Variants in CUL2 observed in about 807,000 individuals in gnomAD.
CUL2 encodes cullin 2.
A neutral mutation model predicts 110.2 loss-of-function variants in CUL2; 22 were observed. The ratio of observed to expected loss-of-function variants is 0.20; its 90% CI spans 0.14 to 0.28. CUL2 has a LOEUF of 0.28. Ranked by LOEUF, CUL2 falls within the 10% of genes least tolerant of loss-of-function variation. The probability of loss-of-function intolerance (pLI) is 1.00; values close to 1 mark genes in which losing one functional copy is unlikely to be tolerated. For synonymous variants in CUL2, 279 were observed against 293.2 expected, an observed-to-expected ratio of 0.95 and a Z score of 0.49; for missense variants, 631 against 905.5, an observed-to-expected ratio of 0.70 and a Z score of 3.89.
At chr10:35,030,788 G>A (rs1367219773) in intron 14 of CUL2, among the ~76,000 whole-genome samples, 1 of 151,180 alleles carries the variant, frequency 6.6e-6, no homozygotes, top group African/African-American at 2.4e-5. Context: ...AGCTGCTCAG[G>A]AGGCTGAGGC....
At chr10:35,104,409 G>A (rs1418988750) in intron 1 of CUL2, among the ~76,000 whole-genome samples, 1 of 152,148 alleles carries the variant, frequency 6.6e-6, no homozygotes, top group East Asian at 1.9e-4. Flanking sequence ...TCTCGCCATT[G>A]CACTGTAGCC....
chr10:35,123,334 T>C (rs2087699975), intron 1 of CUL2, among the ~76,000 whole-genome samples: 1 of 152,206 alleles, frequency 6.6e-6, no homozygotes, highest in Admixed American at 6.5e-5. Context: ...ACAGTCTCCT[T>C]TCACTTCTGT....
At chr10:35,097,033 C>G (rs935281659) in intron 2 of CUL2, among the ~76,000 whole-genome samples, 1 of 152,214 alleles carries the variant, frequency 6.6e-6, no homozygotes, top group Non-Finnish European at 1.5e-5. Flanking sequence ...TGGTCTCGAA[C>G]TCCTGTCTCC....
intron 1 of CUL2, among the ~76,000 whole-genome samples, chr10:35,104,743 G>T (rs533325517): frequency 8.7e-5 from 13 of 148,842 alleles, no homozygotes; most frequent in South Asian, 2.1e-4. Flanking sequence ...AGACTTTTCT[G>T]GGGGGGGGAC....
At chr10:35,036,637 T>C (rs1044008710) in intron 9 of CUL2, among the ~76,000 whole-genome samples, 1 of 152,244 alleles carries the variant, frequency 6.6e-6, no homozygotes, top group Admixed American at 6.5e-5. Context: ...GTATCTTCTA[T>C]TCTGCAGTGC....
chr10:35,056,526 T>C (rs917270762), intron 4 of CUL2, among the ~76,000 whole-genome samples: 18 of 152,206 alleles, frequency 1.2e-4, no homozygotes, highest in African/African-American at 4.1e-4. Flanking sequence ...GTGGCAGGGC[T>C]GGCACAGAAA....
Position 35,016,224 on chromosome 10 carries a change from C to A in CUL2, c.1855G>T (p.Asp619Tyr). ...GAATCATGGTTAATCATTTTCACAT[C>A]AAGTAATGATTTGATTGTTTTTGTC... ...ELTKTIKSLL[D>Y]VKMINHDSEK... The change falls in exon 18 of 21, where the codon GAT becomes TAT. Residue 619 changes from aspartate (D) to tyrosine (Y), a missense_variant. By Grantham distance (160) the Asp-to-Tyr change is radical. Transcript: ENST00000374749. 1 of 1,613,740 alleles carries A rather than the reference C, an allele frequency of 6.2e-7. No homozygotes were observed. The highest frequency in any genetic ancestry group is 8.5e-7 in the Non-Finnish European group (1 of 1,179,748).
At chr10:35,010,803 G>A (rs1398437522) in intron 20 of CUL2, among the ~76,000 whole-genome samples, 1 of 152,134 alleles carries the variant, frequency 6.6e-6, no homozygotes, top group East Asian at 1.9e-4. Flanking sequence ...TTCAGTGCAT[G>A]CTAATGTAAT....
Position 35,049,770 on chromosome 10 carries a change from C to T in CUL2, c.424-5G>A, listed in dbSNP as rs1341683140. On this transcript the variant is annotated splice_region_variant and splice_polypyrimidine_tract_variant and intron_variant, in intron 5 of 20. Transcript: ENST00000374749. The stretch of plus-strand genomic sequence containing the variant: ...CCTCCACATATCCAATGCTAGCTGC[C>T]GGGAAAAACGAAAATCATCAGGGCT... 2 of 1,605,328 alleles carry T rather than the reference C, an allele frequency of 1.2e-6. No individual in the cohort carries two copies. The highest frequency in any genetic ancestry group is 1.7e-6 in the Non-Finnish European group (2 of 1,173,954).
intron 18 of CUL2, 107 bp downstream of exon 18, chr10:35,016,084 CT>C: frequency 1.1e-6 from 1 of 899,712 alleles, no homozygotes; most frequent in South Asian, 1.7e-5. Flanking sequence ...AATACAAGTG[CT>C]TTCCAGAGCA....
intron 16 of CUL2, among the ~76,000 whole-genome samples, chr10:35,027,276 C>G (rs1023372684): frequency 6.6e-6 from 1 of 151,794 alleles, no homozygotes; most frequent in South Asian, 2.1e-4. Flanking sequence ...TCCAGAGTAG[C>G]TGGGACTACA....
chr10:35,045,818 C>T (rs2085924666), intron 6 of CUL2, among the ~76,000 whole-genome samples: 1 of 152,136 alleles, frequency 6.6e-6, no homozygotes, highest in Non-Finnish European at 1.5e-5. Context: ...ACTCTAGTAC[C>T]AATGCTCAAA....
intron 1 of CUL2, among the ~76,000 whole-genome samples, chr10:35,112,068 C>T (rs1589068900): frequency 6.6e-6 from 1 of 152,180 alleles, no homozygotes; most frequent in East Asian, 1.9e-4. Flanking sequence ...CCTATTTCAG[C>T]TCCTATTTTC....
At chr10:35,077,334 A>AG (rs2086845248) in intron 1 of CUL2, among the ~76,000 whole-genome samples, 1 of 150,588 alleles carries the variant, frequency 6.6e-6, no homozygotes, top group Admixed American at 6.6e-5. Flanking sequence ...AACAAACAAA[A>AG]AAAACAAACA....
At chr10:35,030,180 G>A (rs1312903769) in intron 14 of CUL2, among the ~76,000 whole-genome samples, 2 of 152,126 alleles carry the variant, frequency 1.3e-5, no homozygotes, top group African/African-American at 4.8e-5. Context: ...AGTATCAAAT[G>A]AAAGATTACA....
chr10:35,083,975 A>T (rs2087000936), intron 1 of CUL2, among the ~76,000 whole-genome samples: 1 of 152,226 alleles, frequency 6.6e-6, no homozygotes, highest in Non-Finnish European at 1.5e-5. Flanking sequence ...ATTATTTATA[A>T]TGTTAAACTA....
intron 5 of CUL2, among the ~76,000 whole-genome samples, chr10:35,050,488 A>G (rs111637201): frequency 6.6e-6 from 1 of 152,302 alleles, no homozygotes; most frequent in Non-Finnish European, 1.5e-5. Context: ...ATACCAACAT[A>G]AAAAGAGCAA....
intron 18 of CUL2, among the ~76,000 whole-genome samples, chr10:35,015,847 T>A (rs890782433): frequency 2.6e-5 from 4 of 152,186 alleles, no homozygotes; most frequent in Admixed American, 6.5e-5. Flanking sequence ...ACCATGAAAT[T>A]AAGCACATTT....
intron 6 of CUL2, among the ~76,000 whole-genome samples, chr10:35,049,325 C>G (rs1019156602): frequency 3.9e-5 from 6 of 152,126 alleles, no homozygotes; most frequent in African/African-American, 1.4e-4. Flanking sequence ...AGGTGGTCCT[C>G]ACGAGGATTT....
Sources: gnomAD v4.1 joint callset for allele counts (sites outside exome capture counted in the v4.1 genomes callset) on GRCh38, gnomAD v4.1.1 for gene constraint, MANE v1.5 for transcripts, NCBI Gene and HGNC (gene_info 2026-07-23, HGNC 2026-07-21) for gene names.